Variants in CENPN observed in about 807,000 individuals in gnomAD.
CENPN encodes the protein centromere protein N, also known as interphase centromere complex protein 32.
In CENPN, 36 loss-of-function variants were observed where a neutral mutation model predicts 48.6. That is an observed-to-expected ratio of 0.74 (90% CI 0.57 to 0.98). The LOEUF is 0.98. Among genes scored for constraint, CENPN ranks in the 50% least tolerant of loss-of-function variants. The pLI is 0.00. For synonymous variants in CENPN, 166 were observed against 135.2 expected, an observed-to-expected ratio of 1.23 and a Z score of -1.58; for missense variants, 439 against 399.2, an observed-to-expected ratio of 1.10 and a Z score of -0.85.
rs1278928303 is a variant in CENPN at position 81,011,917 on chromosome 16, T to C, written c.-10-13T>C. ...GGTTAATACTTTGTTGTGCTGTTTT[T>C]GTTTTGTAAAAGTGCCAAAGAGATG... On this transcript the variant is annotated splice_polypyrimidine_tract_variant and intron_variant, in intron 1 of 10. Transcript: ENST00000305850. The C allele has an allele frequency of 5.6e-6, 9 of 1,607,422 alleles. No homozygotes were observed. Among genetic ancestry groups the C allele is most frequent in the South Asian group, 5.5e-5 (5 of 90,906 alleles).
rs906581841 is a variant in CENPN at position 81,020,015 on chromosome 16, G to A, written c.355-85G>A. 8.2e-6 allele frequency: 10 copies of A among 1,212,628 alleles called. No homozygotes were observed. The East Asian group carries it at 2.5e-4, about 30-fold the overall frequency. The allele number at this position is 1,212,628 out of a possible 1,614,324, so 75.1% of individuals were successfully genotyped here. A position where few individuals can be genotyped will look rare whatever the true frequency, so the allele number is the denominator to read the frequency against. On this transcript the variant is annotated intron_variant, in intron 5 of 10. Transcript: ENST00000305850. ...CATACAAGAGTATAGGGACATCATT[G>A]TTCACCCCTAATAAGCACCTGGAGT...
rs1970503451 is a variant in CENPN, at chr16:81,026,527, G to T, written c.699G>T (p.Met233Ile). The T allele has an allele frequency of 1.3e-6, 2 of 1,519,070 alleles. No individual in the cohort carries two copies. The highest frequency in any genetic ancestry group is 2.3e-5 in the East Asian group (1 of 44,134). 94.1% of individuals were successfully genotyped at this position (1,519,070 alleles called of 1,614,324 possible). Residue 233 changes from methionine to isoleucine, a missense_variant and splice_region_variant, in exon 9 of 11, where the codon ATG (methionine) becomes ATT (isoleucine). Met to Ile is a conservative substitution (Grantham distance 10). Transcript: ENST00000305850. ...QERSLGLDIN[M>I]DSRIIHENIV... ...TTATTTGAAATCTTCCACCCATAGT[G>T]GATTCAAGGATCATTCATGAAAACA...
chr16:81,012,995 GATAA>G (rs1477653885), intron 2 of CENPN, among the ~76,000 whole-genome samples: 7 of 152,154 alleles, frequency 4.6e-5, no homozygotes, highest in African/African-American at 1.7e-4. Context: ...TATAAATATT[GATAA>G]ATATTTAGTT....
At chr16:81,014,059 A>T in intron 2 of CENPN, 77 bp from the exon 3 acceptor site, 1 of 1,200,512 alleles carries the variant, frequency 8.3e-7, no homozygotes, top group Non-Finnish European at 1.2e-6. Flanking sequence ...TGTTCTAACC[A>T]ATCCTAAAAT....
rs1006461280 is a variant in CENPN, at chr16:81,011,830, C to G, written c.-10-100C>G. On this transcript the variant is annotated intron_variant, in intron 1 of 10. Coordinates refer to ENST00000305850, the MANE Select transcript of CENPN (RefSeq NM_001100624.3). The stretch of plus-strand genomic sequence containing the variant: ...CCAACGTGGGCAATCTAGTGAGACC[C>G]TGTCTCTATTTTTCATATGTGTATG... The G allele has an allele frequency of 1.5e-5, 15 of 991,098 alleles. No individual in the cohort carries two copies. In the African/African-American group the frequency reaches 2.1e-4, roughly 14 times the overall value. The allele number at this position is 991,098 out of a possible 1,614,324, so 61.4% of individuals were successfully genotyped here. A position where few individuals can be genotyped will look rare whatever the true frequency, so the allele number is the denominator to read the frequency against.
At chr16:81,020,818 C>T (rs1370777888) in intron 6 of CENPN, among the ~76,000 whole-genome samples, 6 of 152,086 alleles carry the variant, frequency 3.9e-5, no homozygotes, top group Admixed American at 2.6e-4. Context: ...AGGCCAGGCG[C>T]GGTGCTCATG....
rs1353458450 is a variant in CENPN, at chr16:81,008,441, G to A, written c.-11+1164G>A. On this transcript the variant is annotated intron_variant, in intron 1 of 10. Coordinates refer to ENST00000305850, the MANE Select transcript of CENPN (RefSeq NM_001100624.3). ...TGTTGGAGGGCAGTGGCACGTTCTCGGCTCACTGCAACCTCCTCCTCCCGG... is the reference window on the plus strand; with the variant it reads ...TGTTGGAGGGCAGTGGCACGTTCTCAGCTCACTGCAACCTCCTCCTCCCGG... Among the ~76,000 whole-genome samples, 4 of 151,772 alleles carry A rather than the reference G, an allele frequency of 2.6e-5. No individual in the cohort carries two copies. In the East Asian group the frequency reaches 7.8e-4, roughly 29 times the overall value.
At chr16:81,018,205 C>G (rs963723194) in intron 5 of CENPN, among the ~76,000 whole-genome samples, 2 of 151,168 alleles carry the variant, frequency 1.3e-5, no homozygotes, top group African/African-American at 2.4e-5. Context: ...GAGACAGAGT[C>G]TTACTCTGTT....
rs1230570187 is a variant in CENPN at position 81,026,151 on chromosome 16, A to ATGTGTG, written c.698-374_698-373insGTGTGT. Among the ~76,000 whole-genome samples the ATGTGTG allele has an allele frequency of 2.5e-3, 359 of 142,590 alleles. 4 individuals carry two copies. Among genetic ancestry groups the ATGTGTG allele is most frequent in the African/African-American group, 9.4e-3 (342 of 36,450 alleles). The allele number at this position is 142,590 out of a possible 152,430, so 93.5% of individuals were successfully genotyped here. On this transcript the variant is annotated intron_variant, in intron 8 of 10. Coordinates refer to ENST00000305850, the MANE Select transcript of CENPN (RefSeq NM_001100624.3). The stretch of plus-strand genomic sequence containing the variant: ...TGTGTGTATATATATATGTATATAT[A>ATGTGTG]TATGTGTATATATATGTGTATATAT...
intron 8 of CENPN, 97 bp downstream of exon 8, chr16:81,024,875 T>A: frequency 1.4e-6 from 1 of 711,206 alleles, no homozygotes; most frequent in Non-Finnish European, 2.3e-6. Context: ...GATCCTAATT[T>A]AAAACTTTTA....
chr16:81,008,792 A>G (rs1969615836), intron 1 of CENPN, among the ~76,000 whole-genome samples: 1 of 152,262 alleles, frequency 6.6e-6, no homozygotes, highest in Non-Finnish European at 1.5e-5. Flanking sequence ...CTTACTGACT[A>G]TAGTGAGGCA....
chr16:81,007,724 C>A (rs1228041830), intron 1 of CENPN, among the ~76,000 whole-genome samples: 2 of 152,310 alleles, frequency 1.3e-5, no homozygotes, highest in Middle Eastern at 3.4e-3. Context: ...GGGAACGTTA[C>A]TTAAAATGGA....
chr16:81,032,839 T>C, downstream of CENPN: 1 of 890,660 alleles, frequency 1.1e-6, no homozygotes, highest in South Asian at 1.8e-5. Flanking sequence ...TCTTGGAAGC[T>C]TGGATGTGCA....
chr16:81,016,930 G>A, intron 3 of CENPN: 1 of 231,478 alleles, frequency 4.3e-6, no homozygotes, highest in Middle Eastern at 1.5e-3. Context: ...GGGGAGTAGG[G>A]TGTGTAAGGA....
intron 5 of CENPN, 52 bp from the exon 6 acceptor site, chr16:81,020,048 A>T: frequency 6.5e-7 from 1 of 1,542,042 alleles, no homozygotes; most frequent in Non-Finnish European, 8.8e-7. Context: ...AGTTGGTGCC[A>T]CAGTGAAATT....
At chr16:81,025,091 G>A (rs1442485844) in intron 8 of CENPN, among the ~76,000 whole-genome samples, 2 of 152,182 alleles carry the variant, frequency 1.3e-5, no homozygotes, top group Non-Finnish European at 2.9e-5. Context: ...AATCTTCACA[G>A]TAGTCCTGTG....
At position 81,024,728 on chromosome 16, in the gene CENPN, A is replaced by G. The variant is rs1326642642; in HGVS notation, c.647A>G (p.His216Arg). The G allele has an allele frequency of 1.2e-6, 2 of 1,609,670 alleles. No individual in the cohort carries two copies. The highest frequency in any genetic ancestry group is 1.7e-6 in the Non-Finnish European group (2 of 1,177,000). The change falls in exon 8 of 11, where the codon CAC (histidine) becomes CGC (arginine). Residue 216 changes from histidine to arginine, a missense_variant. His to Arg is a conservative substitution (Grantham distance 29). Transcript: ENST00000305850. Reference sequence around the variant, plus strand: ...TTTTTTCCCTAGACCTTTGAAACTCACAACTCTACGACACCTCTACAGGAA... The same window carrying G: ...TTTTTTCCCTAGACCTTTGAAACTCGCAACTCTACGACACCTCTACAGGAA... Reference protein sequence around the residue: ...FKQYNQTFETHNSTTPLQERS... With the variant: ...FKQYNQTFETRNSTTPLQERS...
rs1183430572 is a variant in CENPN, at chr16:81,028,259, C to G, written c.899C>G (p.Pro300Arg). The change falls in exon 10 of 11, where the codon CCA becomes CGA. Residue 300 changes from proline (P) to arginine (R), a missense_variant. Pro to Arg is a moderately radical substitution (Grantham distance 103). Transcript: ENST00000305850. ...PLRCLIKFSS[P>R]HLLEALKSLA... ...CGATGCCTAATAAAGTTCTCTAGCCCACATCTTCTGGAAGCATTGAAATCC... is the reference window on the plus strand; with the variant it reads ...CGATGCCTAATAAAGTTCTCTAGCCGACATCTTCTGGAAGCATTGAAATCC... 1.9e-6 allele frequency: 3 copies of G among 1,613,936 alleles called. No homozygotes were observed. The highest frequency in any genetic ancestry group is 1.1e-5 in the South Asian group (1 of 91,086).
At chr16:81,020,524 T>A in intron 6 of CENPN, 1 of 347,850 alleles carries the variant, frequency 2.9e-6, no homozygotes. Flanking sequence ...AAAAAAGATA[T>A]AGAATACCAC....
Sources: allele counts gnomAD v4.1 joint callset (sites outside exome capture counted in the v4.1 genomes callset), GRCh38; gene constraint gnomAD v4.1.1; transcripts MANE v1.5; gene names NCBI Gene and HGNC (gene_info 2026-07-23, HGNC 2026-07-21).